PLEKHG4B: variants seen among roughly 807,000 people sequenced by gnomAD.
PLEKHG4B encodes the protein pleckstrin homology domain-containing family G member 4B.
PLEKHG4B carries 111 observed loss-of-function variants against 121.3 expected under a neutral mutation model. The ratio of observed to expected loss-of-function variants is 0.92; its 90% CI spans 0.78 to 1.07. PLEKHG4B has a LOEUF of 1.07. Among genes scored for constraint, PLEKHG4B ranks in the 50% least tolerant of loss-of-function variants. The probability of loss-of-function intolerance (pLI) is 0.00; values close to 1 mark genes in which losing one functional copy is unlikely to be tolerated. For missense variants in PLEKHG4B, 1,831 were observed against 1,757.8 expected (o/e 1.04, Z -0.74); for synonymous variants, 738 against 725.0 (o/e 1.02, Z -0.29).
chr5:173,719 A>G (rs1004414131), intron 17 of PLEKHG4B, among the ~76,000 whole-genome samples, 199 bp from the exon 18 acceptor site: 1 of 152,000 alleles, frequency 6.6e-6, no homozygotes, highest in African/African-American at 2.4e-5. Flanking sequence ...GCTATCCTGC[A>G]CACAGGCACT....
intron 2 of PLEKHG4B, among the ~76,000 whole-genome samples, chr5:132,693 A>G (rs1176117641): frequency 6.6e-6 from 1 of 152,172 alleles, no homozygotes; most frequent in Non-Finnish European, 1.5e-5. Flanking sequence ...GAGGAAGATC[A>G]GTTGGCTGTA....
intron 1 of PLEKHG4B, among the ~76,000 whole-genome samples, chr5:101,143 A>G (rs372620560): frequency 7.4e-5 from 7 of 95,194 alleles, no homozygotes; most frequent in East Asian, 2.8e-4. Context: ...GAAAAAGTCT[A>G]TAGGGGAGAG....
intron 18 of PLEKHG4B, among the ~76,000 whole-genome samples, chr5:180,655 C>A (rs938459643): frequency 1.3e-5 from 2 of 152,188 alleles, no homozygotes; most frequent in Non-Finnish European, 2.9e-5. Context: ...GTAAGGTACA[C>A]GAGCAAACCC....
Position 163,088 on chromosome 5 carries a change from G to A in PLEKHG4B, c.3016G>A (p.Ala1006Thr). 1 of 1,565,260 alleles carries A rather than the reference G, an allele frequency of 6.4e-7. No homozygotes were observed. Among genetic ancestry groups the A allele is most frequent in the Non-Finnish European group, 8.7e-7 (1 of 1,155,082 alleles). ...TDSGGGAWEP[A>T]QPLSGLPGRA... ...CAGTGGGGGTGGTGCCTGGGAACCT[G>A]CGCAACCACTGTCCGGCCTCCCTGG... The change falls in exon 13 of 20, where the codon GCG (alanine) becomes ACG (threonine). Residue 1006 changes from alanine (A) to threonine (T), a missense_variant. Transcript: ENST00000637938.
At chr5:126,455 G>A (rs1734616459) in intron 2 of PLEKHG4B, among the ~76,000 whole-genome samples, 1 of 151,750 alleles carries the variant, frequency 6.6e-6, no homozygotes. Flanking sequence ...TTAGTTTTTT[G>A]AGCATCTTTA....
chr5:164,681 G>GCTCACACTAATGCTCTGAT (rs1736207935), intron 13 of PLEKHG4B, among the ~76,000 whole-genome samples: 1 of 66,466 alleles, frequency 1.5e-5, no homozygotes, highest in Non-Finnish European at 3.9e-5. Flanking sequence ...TACTCTGACA[G>GCTCACACTAATGCTCTGAT]GGGGCGGAGC....
At chr5:174,427 G>A (rs1285624828) in intron 18 of PLEKHG4B, among the ~76,000 whole-genome samples, 1 of 151,726 alleles carries the variant, frequency 6.6e-6, no homozygotes, top group Non-Finnish European at 1.5e-5. Context: ...CCAGGGGCCG[G>A]GGGCCAAGGC....
rs1329937794 is a variant in PLEKHG4B at position 139,163 on chromosome 5, A to G, written c.244-320A>G. On this transcript the variant is annotated intron_variant, in intron 2 of 19. Coordinates refer to ENST00000637938, the MANE Select transcript of PLEKHG4B (RefSeq NM_052909.5). This position sits in a 1 kb window ranked among gnomAD's most constrained non-coding sequence, Gnocchi z 5.0. ...CTGGGACCACTCTGAGGGACAACTC[A>G]TCCTTCGGAGCGCCTGGTGGGCTGT... Among the ~76,000 whole-genome samples, 1 of 152,148 alleles carries G rather than the reference A, an allele frequency of 6.6e-6. No homozygotes were observed. The highest frequency in any genetic ancestry group is 1.5e-5 in the Non-Finnish European group (1 of 68,020).
At chr5:155,288 A>T (rs1051086864) in intron 8 of PLEKHG4B, 57 bp from the exon 9 acceptor site, 4 of 1,447,274 alleles carry the variant, frequency 2.8e-6, no homozygotes, top group Non-Finnish European at 2.9e-6. Flanking sequence ...ACAGCTGCTT[A>T]CTTTAGCATT....
At chr5:102,531 G>T (rs937909379) in intron 1 of PLEKHG4B, among the ~76,000 whole-genome samples, 5 of 147,308 alleles carry the variant, frequency 3.4e-5, no homozygotes, top group African/African-American at 1.1e-4. Context: ...AGGGCAAATG[G>T]GTTAAAAGTG....
chr5:162,088 G>C (rs1736028583), intron 12 of PLEKHG4B, 144 bp downstream of exon 12: 1 of 1,066,084 alleles, frequency 9.4e-7, no homozygotes, highest in Non-Finnish European at 1.3e-6. Flanking sequence ...CCTGGCCACT[G>C]CGCCCACGGC....
intron 6 of PLEKHG4B, 150 bp downstream of exon 6, chr5:145,070 T>C (rs1735362190): frequency 3.2e-6 from 2 of 626,860 alleles, no homozygotes; most frequent in East Asian, 2.9e-5. Flanking sequence ...GCCACCTCCT[T>C]CTTGGGGTCT....
chr5:138,231 G>C (rs549836691), intron 2 of PLEKHG4B, among the ~76,000 whole-genome samples: 1 of 152,198 alleles, frequency 6.6e-6, no homozygotes, highest in Non-Finnish European at 1.5e-5. Flanking sequence ...CATCTGTTCA[G>C]GTTATTTTCT....
intron 2 of PLEKHG4B, among the ~76,000 whole-genome samples, chr5:133,475 C>T (rs931600610): frequency 6.6e-6 from 1 of 151,852 alleles, no homozygotes; most frequent in Non-Finnish European, 1.5e-5. Context: ...GGGCTAAGGA[C>T]ATGAATAGAC....
Position 171,354 on chromosome 5 carries a change from GGGCGAGCTCCGA to G in PLEKHG4B, c.3962_3973del (p.Gly1321_Arg1324del). ...GTGGCCTGGCCCAGGGGCAGGAGCT[GGGCGAGCTCCGA>G]GCCGCCGAGGTCGTGGTCTGCTTCC... On this transcript the variant is annotated inframe_deletion, in exon 16 of 20. Coordinates refer to ENST00000637938, the MANE Select transcript of PLEKHG4B (RefSeq NM_052909.5). 1 of 1,612,266 alleles carries G rather than the reference GGGCGAGCTCCGA, an allele frequency of 6.2e-7. No homozygotes were observed. The highest frequency in any genetic ancestry group is 8.5e-7 in the Non-Finnish European group (1 of 1,179,812).
chr5:180,787 G>A (rs898620779), intron 18 of PLEKHG4B, among the ~76,000 whole-genome samples: 4 of 152,094 alleles, frequency 2.6e-5, no homozygotes, highest in East Asian at 3.9e-4. Flanking sequence ...CCTGTGTCCC[G>A]GGCAGCCACA....
At chr5:121,722 A>T (rs1276276954) in intron 2 of PLEKHG4B, among the ~76,000 whole-genome samples, 1 of 152,190 alleles carries the variant, frequency 6.6e-6, no homozygotes, top group African/African-American at 2.4e-5. Flanking sequence ...GTTGAAAGAA[A>T]AAAATTCTAT....
intron 18 of PLEKHG4B, among the ~76,000 whole-genome samples, chr5:175,158 C>T (rs1736718204): frequency 6.6e-6 from 1 of 152,124 alleles, no homozygotes; most frequent in Non-Finnish European, 1.5e-5. Flanking sequence ...TGACTTCCTG[C>T]CCCTGCCCTG....
chr5:176,133 C>G (rs73732946), intron 18 of PLEKHG4B, among the ~76,000 whole-genome samples: 1,635 of 119,212 alleles, frequency 0.014, 293 homozygotes, highest in African/African-American at 0.04. Flanking sequence ...CCCCCTCTGG[C>G]CCCCAGCCTC....
Sources: allele counts gnomAD v4.1 joint callset (sites outside exome capture counted in the v4.1 genomes callset), GRCh38; gene constraint gnomAD v4.1.1; non-coding constraint Gnocchi (gnomAD v3.1); transcripts MANE v1.5; gene names NCBI Gene and HGNC (gene_info 2026-07-23, HGNC 2026-07-21).